The following FOCAD variants were observed in gnomAD, a reference collection of about 807,000 sequenced individuals.
FOCAD encodes KIAA1797.
FOCAD carries 198 observed loss-of-function variants against 225.6 expected under a neutral mutation model. That is an observed-to-expected ratio of 0.88 (90% CI 0.78 to 0.99). FOCAD has a LOEUF of 0.99. FOCAD is among the 50% of genes least tolerant of loss of function. The pLI, the probability that FOCAD is intolerant of heterozygous loss-of-function variation, is 0.00. For synonymous variants in FOCAD, 897 were observed against 755.0 expected (o/e 1.19, Z -3.08); for missense variants, 2,713 against 2,123.6 (o/e 1.28, Z -5.46).
chr9:20,796,709 G>T lies in FOCAD; in HGVS notation c.1455+7101G>T, dbSNP rs183814584. ...TATTTGAGTTCTTTGTAGATTCTGG[G>T]TATTAGCCCTTTGTCAGATGAGTAG... On this transcript the variant is annotated intron_variant, in intron 11 of 43. Transcript: ENST00000338382. Among the ~76,000 whole-genome samples the T allele has an allele frequency of 2.6e-3, 390 of 152,142 alleles. 2 individuals carry two copies. Among genetic ancestry groups the T allele is most frequent in the Middle Eastern group, 3.4e-3 (1 of 294 alleles).
intron 1 of FOCAD, among the ~76,000 whole-genome samples, chr9:20,709,291 T>G (rs1824643483): frequency 6.6e-6 from 1 of 152,162 alleles, no homozygotes; most frequent in Non-Finnish European, 1.5e-5. Flanking sequence ...TATTGAAAGG[T>G]TGGAGATAAA....
In FOCAD at chr9:20,973,073, A is replaced by G. The variant is rs116459630; in HGVS notation, c.4133-3347A>G. Among the ~76,000 whole-genome samples, 332 of 120,692 alleles carry G rather than the reference A, an allele frequency of 2.8e-3. 1 individual carries two copies. The highest frequency in any genetic ancestry group is 1.0e-2 in the African/African-American group (308 of 30,838). The allele number at this position is 120,692 out of a possible 152,430, so 79.2% of individuals were successfully genotyped here. On this transcript the variant is annotated intron_variant, in intron 35 of 43. Transcript: ENST00000338382. Reference sequence around the variant, plus strand: ...TCCTGTGCTTCTTCTTTCTGCAGCTATTTTACCTTCTGCTGACTTTGCCTT... The same window carrying G: ...TCCTGTGCTTCTTCTTTCTGCAGCTGTTTTACCTTCTGCTGACTTTGCCTT...
chr9:20,790,593 G>A (rs549774519), intron 11 of FOCAD, among the ~76,000 whole-genome samples: 3 of 152,178 alleles, frequency 2.0e-5, no homozygotes, highest in African/African-American at 7.2e-5. Context: ...CCAACATGGC[G>A]AAACCTTGTT....
intron 8 of FOCAD, among the ~76,000 whole-genome samples, chr9:20,776,515 T>C (rs1818773228): frequency 6.6e-6 from 1 of 152,246 alleles, no homozygotes; most frequent in Admixed American, 6.5e-5. Flanking sequence ...TTAAGATTTA[T>C]GTGGTCTAAT....
intron 24 of FOCAD, 93 bp from the exon 25 acceptor site, chr9:20,923,567 C>A: frequency 1.2e-6 from 1 of 852,936 alleles, no homozygotes; most frequent in Non-Finnish European, 1.9e-6. Context: ...ACACAAGTTG[C>A]TTTTTGACTT....
At chr9:20,864,523 T>C (rs138869623) in intron 16 of FOCAD, among the ~76,000 whole-genome samples, 3,239 of 152,238 alleles carry the variant, frequency 0.021, 50 homozygotes, top group Middle Eastern at 0.037. Flanking sequence ...AAGGATTGTT[T>C]TAACTCATCC....
chr9:20,734,013 A>AAAAC (rs768511975), intron 4 of FOCAD, among the ~76,000 whole-genome samples: 1 of 152,168 alleles, frequency 6.6e-6, no homozygotes, highest in Non-Finnish European at 1.5e-5. Flanking sequence ...CCTATCTCAA[A>AAAAC]AAACAAACAA....
chr9:20,942,146 C>T (rs575145648), intron 28 of FOCAD, among the ~76,000 whole-genome samples: 6 of 152,192 alleles, frequency 3.9e-5, no homozygotes, highest in Non-Finnish European at 7.4e-5. Context: ...TCATATGTTA[C>T]ACCAGTCACT....
At chr9:20,797,613 CTGTT>C (rs1192942387) in intron 11 of FOCAD, among the ~76,000 whole-genome samples, 2 of 152,038 alleles carry the variant, frequency 1.3e-5, no homozygotes, top group African/African-American at 2.4e-5. Context: ...ATTTGGCTCT[CTGTT>C]TGTTATTGAT....
At chr9:20,747,229 G>C (rs1828117592) in intron 5 of FOCAD, among the ~76,000 whole-genome samples, 1 of 152,078 alleles carries the variant, frequency 6.6e-6, no homozygotes, top group Admixed American at 6.6e-5. Context: ...TAGCTATTTG[G>C]TTTAGAGGTG....
In FOCAD at chr9:20,965,871, A is replaced by G. The variant is rs924960291; in HGVS notation, c.4133-10549A>G. 3.9e-5 allele frequency among the ~76,000 whole-genome samples: 6 copies of G among 152,122 alleles called. No individual in the cohort carries two copies. In the South Asian group the frequency reaches 1.2e-3, roughly 31 times the overall value. On this transcript the variant is annotated intron_variant, in intron 35 of 43. Coordinates refer to ENST00000338382, the MANE Select transcript of FOCAD (RefSeq NM_001375567.1). ...TGTAGCAAGTATCAGTACTTCATTC[A>G]TTTTTATTGCTGAATAAAAATCCAT...
At chr9:20,738,478 A>G (rs1827332313) in intron 4 of FOCAD, among the ~76,000 whole-genome samples, 2 of 152,210 alleles carry the variant, frequency 1.3e-5, no homozygotes, top group African/African-American at 4.8e-5. Flanking sequence ...AGGAGAGAGA[A>G]TCTTTATGGA....
intron 25 of FOCAD, among the ~76,000 whole-genome samples, chr9:20,924,030 T>C (rs956354098): frequency 6.6e-6 from 1 of 152,182 alleles, no homozygotes; most frequent in Non-Finnish European, 1.5e-5. Context: ...TGTGATTACA[T>C]CAATGGTAAC....
rs144417374 is a variant in FOCAD at position 20,797,105 on chromosome 9, C to G, written c.1455+7497C>G. 5.5e-3 allele frequency among the ~76,000 whole-genome samples: 838 copies of G among 152,142 alleles called. 10 individuals are homozygous for G. Among genetic ancestry groups the G allele is most frequent in the African/African-American group, 0.017 (702 of 41,526 alleles). On this transcript the variant is annotated intron_variant, in intron 11 of 43. Transcript: ENST00000338382. Reference sequence around the variant, plus strand: ...ACCCATTTCTTGTTTTTTGTGAGGTCTGTCAAAGACCAGATAGTTGTAGAT... The same window carrying G: ...ACCCATTTCTTGTTTTTTGTGAGGTGTGTCAAAGACCAGATAGTTGTAGAT...
intron 19 of FOCAD, among the ~76,000 whole-genome samples, chr9:20,880,686 G>T (rs769496435): frequency 6.6e-6 from 1 of 152,038 alleles, no homozygotes; most frequent in Non-Finnish European, 1.5e-5. Flanking sequence ...TATAATAGAC[G>T]GTCCAGTGAG....
At chr9:20,931,855 G>A (rs1259205536) in intron 27 of FOCAD, among the ~76,000 whole-genome samples, 1 of 146,668 alleles carries the variant, frequency 6.8e-6, no homozygotes, top group Non-Finnish European at 1.5e-5. Context: ...CTGATGTTGT[G>A]CCACTGCACT....
rs758356999 is a variant in FOCAD, at chr9:20,823,012, T to C, written c.1817T>C (p.Met606Thr). The C allele has an allele frequency of 1.0e-5, 16 of 1,605,582 alleles. No individual in the cohort carries two copies. The highest frequency in any genetic ancestry group is 1.2e-5 in the Non-Finnish European group (14 of 1,177,260). Residue 606 changes from methionine (M) to threonine (T), a missense_variant, in exon 15 of 44, where the codon ATG becomes ACG. Coordinates refer to ENST00000338382, the MANE Select transcript of FOCAD (RefSeq NM_001375567.1). ...AGGCCATATCAACATGGTGCAGATA[T>C]GTTGGCAGCTATTTCTCAAGTGTTG... ...KQRPYQHGAD[M>T]LAAISQVLNE...
At chr9:20,819,679 G>A in intron 11 of FOCAD, 117 bp from the exon 12 acceptor site, 1 of 492,770 alleles carries the variant, frequency 2.0e-6, no homozygotes, top group South Asian at 4.9e-5. Flanking sequence ...TATATTCTAA[G>A]TCTTCCAATT....
intron 24 of FOCAD, among the ~76,000 whole-genome samples, chr9:20,917,625 A>G (rs1014229874): frequency 6.6e-6 from 1 of 152,010 alleles, no homozygotes; most frequent in Non-Finnish European, 1.5e-5. Flanking sequence ...AACTGCTGCC[A>G]TTTCTGTTTG....
Sources: allele counts gnomAD v4.1 joint callset (sites outside exome capture counted in the v4.1 genomes callset), GRCh38; gene constraint gnomAD v4.1.1; transcripts MANE v1.5; gene names NCBI Gene and HGNC (gene_info 2026-07-23, HGNC 2026-07-21).